The following SEC24D variants were observed in gnomAD, a reference collection of about 807,000 sequenced individuals.
SEC24D encodes the protein protein transport protein Sec24D.
SEC24D carries 69 observed loss-of-function variants against 116.9 expected under a neutral mutation model. That is an observed-to-expected ratio of 0.59 (90% CI 0.49 to 0.72). The LOEUF (loss-of-function observed/expected upper bound fraction) is 0.72, where lower values mean the gene tolerates loss of function less well. Among genes scored for constraint, SEC24D ranks in the 30% least tolerant of loss-of-function variants. The pLI is 0.00. For missense variants in SEC24D, 1,131 were observed against 1,264.1 expected, an observed-to-expected ratio of 0.89 and a Z score of 1.60; for synonymous variants, 405 against 442.8, an observed-to-expected ratio of 0.91 and a Z score of 1.07.
intron 8 of SEC24D, among the ~76,000 whole-genome samples, chr4:118,789,125 G>T (rs1003794076): frequency 6.6e-6 from 1 of 152,168 alleles, no homozygotes; most frequent in African/African-American, 2.4e-5. Context: ...TTGAAATTTG[G>T]AATCTTGAGT....
chr4:118,802,524 T>C (rs970441648), intron 7 of SEC24D, among the ~76,000 whole-genome samples: 6 of 152,138 alleles, frequency 3.9e-5, no homozygotes, highest in African/African-American at 1.4e-4. Flanking sequence ...ATAAGCCAGG[T>C]CAGACAAAGG....
intron 15 of SEC24D, among the ~76,000 whole-genome samples, chr4:118,743,438 C>T (rs1430279249): frequency 6.6e-6 from 1 of 152,086 alleles, no homozygotes; most frequent in South Asian, 2.1e-4. Flanking sequence ...TACCAAACTC[C>T]ACCAGATGCT....
chr4:118,775,392 A>C (rs1728087105), intron 8 of SEC24D, among the ~76,000 whole-genome samples: 1 of 152,040 alleles, frequency 6.6e-6, no homozygotes, highest in Admixed American at 6.6e-5. Flanking sequence ...GGGTCAGTAA[A>C]GCCTTCGCTC....
At chr4:118,765,652 T>C (rs1258773224) in intron 9 of SEC24D, among the ~76,000 whole-genome samples, 1 of 152,194 alleles carries the variant, frequency 6.6e-6, no homozygotes, top group Non-Finnish European at 1.5e-5. Flanking sequence ...AATAAAAGTA[T>C]TTAGAAAAAC....
chr4:118,778,478 G>C (rs1728249858), intron 8 of SEC24D, among the ~76,000 whole-genome samples: 1 of 152,090 alleles, frequency 6.6e-6, no homozygotes, highest in African/African-American at 2.4e-5. Flanking sequence ...CTCTGTTTTG[G>C]TACCAGTACC....
At chr4:118,777,579 A>G (rs572540074) in intron 8 of SEC24D, among the ~76,000 whole-genome samples, 1 of 152,340 alleles carries the variant, frequency 6.6e-6, no homozygotes, top group Non-Finnish European at 1.5e-5. Context: ...ATACATGTGC[A>G]TGTGTCTTTA....
At chr4:118,825,821 A>C (rs1158757523) in intron 2 of SEC24D, among the ~76,000 whole-genome samples, 1 of 151,922 alleles carries the variant, frequency 6.6e-6, no homozygotes, top group Non-Finnish European at 1.5e-5. Context: ...CCTGCTGTGC[A>C]CTCCTCCTTT....
chr4:118,751,175 G>GATTTTTTTTT (rs1560635909), intron 13 of SEC24D, among the ~76,000 whole-genome samples: 1 of 97,326 alleles, frequency 1.0e-5, no homozygotes, highest in Non-Finnish European at 2.3e-5. Flanking sequence ...TAGAGTGAGG[G>GATTTTTTTTT]CTTTTTTTTT....
At chr4:118,758,061 C>T (rs1331416563) in intron 10 of SEC24D, among the ~76,000 whole-genome samples, 1 of 152,048 alleles carries the variant, frequency 6.6e-6, no homozygotes, top group Non-Finnish European at 1.5e-5. Context: ...CAGGCTATGA[C>T]CTGGGTTAGT....
intron 19 of SEC24D, among the ~76,000 whole-genome samples, chr4:118,736,815 G>C (rs1376728288): frequency 6.6e-6 from 1 of 152,202 alleles, no homozygotes; most frequent in Admixed American, 6.5e-5. Context: ...AACTTATTCA[G>C]AGAAAATTTA....
intron 3 of SEC24D, among the ~76,000 whole-genome samples, chr4:118,822,539 T>A (rs114965278): frequency 0.044 from 6,652 of 152,196 alleles, 202 homozygotes; most frequent in Non-Finnish European, 0.064. Context: ...TCTTTCTTTT[T>A]AAAAAAAATA....
At chr4:118,743,885 T>C in intron 15 of SEC24D, 103 bp downstream of exon 15, 1 of 1,006,584 alleles carries the variant, frequency 9.9e-7, no homozygotes, top group Non-Finnish European at 1.4e-6. Context: ...AATTTATATG[T>C]GTCATCTACC....
intron 8 of SEC24D, among the ~76,000 whole-genome samples, chr4:118,773,077 C>T (rs1313521235): frequency 6.6e-6 from 1 of 152,062 alleles, no homozygotes; most frequent in East Asian, 1.9e-4. Context: ...CTCTTTCTAA[C>T]ACTTATTCAC....
At chr4:118,833,379 C>G (rs958714078) in intron 2 of SEC24D, 200 bp downstream of exon 2, 24 of 424,734 alleles carry the variant, frequency 5.7e-5, no homozygotes, top group Non-Finnish European at 9.5e-5. Context: ...ATTTAAAAAC[C>G]AAACTTGTAT....
intron 6 of SEC24D, among the ~76,000 whole-genome samples, chr4:118,806,883 A>T (rs1729703438): frequency 6.6e-6 from 1 of 152,106 alleles, no homozygotes; most frequent in Non-Finnish European, 1.5e-5. Context: ...GCTACTCTGG[A>T]GGCTGAGGTA....
At chr4:118,734,307 G>C (rs1725847657) in intron 19 of SEC24D, among the ~76,000 whole-genome samples, 2 of 151,704 alleles carry the variant, frequency 1.3e-5, no homozygotes, top group Non-Finnish European at 1.5e-5. Context: ...TTGCCTCCTG[G>C]GTTCAAGTGA....
chr4:118,740,397 G>C lies in SEC24D; in HGVS notation c.2238+266C>G, dbSNP rs6847706. ...CAGAAGTGAATACCGTTGGAAGTCA[G>C]TTTGCTGATGCCTGTGATACTTACC... On this transcript the variant is annotated intron_variant, in intron 17 of 22. Coordinates refer to ENST00000280551, the MANE Select transcript of SEC24D (RefSeq NM_014822.4). Among the ~76,000 whole-genome samples, 44,080 of 151,304 alleles carry C rather than the reference G, an allele frequency of 0.29. 7,222 individuals carry two copies. The highest frequency in any genetic ancestry group is 0.37 in the Non-Finnish European group (25,293 of 67,964).
At chr4:118,760,964 G>A (rs189289436) in intron 10 of SEC24D, among the ~76,000 whole-genome samples, 4 of 151,740 alleles carry the variant, frequency 2.6e-5, no homozygotes, top group African/African-American at 9.7e-5. Flanking sequence ...TGATCTGCCC[G>A]CCTTGGCCTC....
At chr4:118,781,338 C>G (rs1347736116) in intron 8 of SEC24D, among the ~76,000 whole-genome samples, 4 of 152,132 alleles carry the variant, frequency 2.6e-5, no homozygotes, top group Non-Finnish European at 5.9e-5. Flanking sequence ...ATTTCTCCTT[C>G]ACTTATGAAG....
Sources: gnomAD v4.1 joint callset for allele counts (sites outside exome capture counted in the v4.1 genomes callset) on GRCh38, gnomAD v4.1.1 for gene constraint, MANE v1.5 for transcripts, NCBI Gene and HGNC (gene_info 2026-07-23, HGNC 2026-07-21) for gene names.